The following KLK12 variants were observed in gnomAD, a reference collection of about 807,000 sequenced individuals.
KLK12 encodes the protein kallikrein-12.
A neutral mutation model predicts 20.0 loss-of-function variants in KLK12; 23 were observed. The observed-to-expected ratio is 1.15, with a 90% CI of 0.83 to 1.63. KLK12 has a LOEUF of 1.63. Ranked by LOEUF, KLK12 falls within the 40% of genes most tolerant of loss-of-function variation. The pLI is 0.00. For synonymous variants in KLK12, 147 were observed against 141.9 expected, an observed-to-expected ratio of 1.04 and a Z score of -0.25; for missense variants, 351 against 338.6, an observed-to-expected ratio of 1.04 and a Z score of -0.29.
At chr19:51,034,426 C>A (rs3865443) in intron 2 of KLK12, 159 bp downstream of exon 2, 370,212 of 1,477,384 alleles carry the variant, frequency 0.25, 49,775 homozygotes, top group East Asian at 0.59. Flanking sequence ...GAGCAGTACC[C>A]TGAGAGCTGC....
rs1486923075 is a variant in KLK12 at position 51,029,378 on chromosome 19, T to A, written c.671A>T (p.Gln224Leu). Residue 224 changes from glutamine (Q) to leucine (L), a missense_variant, in exon 6 of 6, where the codon CAA becomes CTA. Gln to Leu is a moderately radical substitution (Grantham distance 113, BLOSUM62 -2). Transcript: ENST00000684732. ...GGTGTAGACTCCAGGGATGCCATCT[T>A]GTCCACAGGGCCCCACAGACCCCCA... ...VSWGSVGPCG[Q>L]DGIPGVYTYI... 1 of 1,613,998 alleles carries A rather than the reference T, an allele frequency of 6.2e-7. No individual in the cohort carries two copies. The highest frequency in any genetic ancestry group is 8.5e-7 in the Non-Finnish European group (1 of 1,179,896).
At chr19:51,033,479 G>T (rs562887980) in intron 3 of KLK12, among the ~76,000 whole-genome samples, 4 of 152,286 alleles carry the variant, frequency 2.6e-5, no homozygotes, top group African/African-American at 7.2e-5. Context: ...AGCTGGGCAT[G>T]GTGGCGGGTG....
chr19:51,031,194 C>T (rs960841504), intron 4 of KLK12, among the ~76,000 whole-genome samples: 1 of 152,168 alleles, frequency 6.6e-6, no homozygotes, highest in East Asian at 1.9e-4. Flanking sequence ...GACAACGAAT[C>T]CAGACCTGAC....
Position 51,029,389 on chromosome 19 carries a change from C to A in KLK12, c.660G>T (p.Gly220=), listed in dbSNP as rs753632863. The A allele has an allele frequency of 9.9e-6, 16 of 1,613,706 alleles. No individual in the cohort carries two copies. In the Admixed American group the frequency reaches 2.3e-4, roughly 24 times the overall value. ...LQGLVSWGSV[G]PCGQDGIPGV... ...CAGGGATGCCATCTTGTCCACAGGGCCCCACAGACCCCCAGGACACCAGAC... is the reference window on the plus strand; with the variant it reads ...CAGGGATGCCATCTTGTCCACAGGGACCCACAGACCCCCAGGACACCAGAC... Residue 220 remains glycine (G), a synonymous_variant, in exon 6 of 6, where the codon GGG becomes GGT. Transcript: ENST00000684732.
At chr19:51,030,658 C>T in intron 5 of KLK12, 130 bp downstream of exon 5, 2 of 1,345,200 alleles carry the variant, frequency 1.5e-6, no homozygotes, top group African/African-American at 1.4e-5. Flanking sequence ...CCTCTCCCTT[C>T]CTTTTTGACC....
chr19:51,034,249 G>C, intron 2 of KLK12, 110 bp from the exon 3 acceptor site: 8 of 1,311,876 alleles, frequency 6.1e-6, no homozygotes, highest in African/African-American at 1.5e-5. Context: ...GAGAAAGAGA[G>C]ACGAGAAAGA....
chr19:51,031,153 T>C (rs571784685), intron 4 of KLK12, among the ~76,000 whole-genome samples: 35 of 152,290 alleles, frequency 2.3e-4, no homozygotes, highest in African/African-American at 7.9e-4. Context: ...GTGGCATAAC[T>C]CAAGAACTTT....
intron 3 of KLK12, among the ~76,000 whole-genome samples, chr19:51,033,019 G>T (rs2091574563): frequency 6.6e-6 from 1 of 151,802 alleles, no homozygotes; most frequent in Admixed American, 6.6e-5. Context: ...TTTGAGACCA[G>T]CCTGGGTAAC....
At chr19:51,032,163 G>T (rs2091566258) in intron 3 of KLK12, 28 bp from the exon 4 acceptor site, 2 of 1,572,308 alleles carry the variant, frequency 1.3e-6, no homozygotes, top group Non-Finnish European at 1.7e-6. Flanking sequence ...TGAGCGGGTG[G>T]CAGGCACGCA....
chr19:51,030,401 G>GTTTT (rs1381519586), intron 5 of KLK12, among the ~76,000 whole-genome samples: 12 of 151,350 alleles, frequency 7.9e-5, no homozygotes, highest in Non-Finnish European at 1.6e-4. Context: ...CCAGGCTGGA[G>GTTTT]TGCAGTGGCG....
chr19:51,034,210 A>T (rs1429191265), intron 2 of KLK12, 71 bp from the exon 3 acceptor site: 3 of 1,478,700 alleles, frequency 2.0e-6, no homozygotes, highest in East Asian at 4.9e-5. Context: ...ACACAGAGTG[A>T]GAGAGAGAAA....
chr19:51,029,280 G>C lies in KLK12; in HGVS notation c.*22C>G. ...GAGGGGTACCCAAGTTAAGGGGTGG[G>C]GGTGGAGGTGGAGGAAACAGGTCAG... On this transcript the variant is annotated 3_prime_UTR_variant, in exon 6 of 6. Coordinates refer to ENST00000684732, the MANE Select transcript of KLK12 (RefSeq NM_001370125.1). 2 of 1,614,096 alleles carry C rather than the reference G, an allele frequency of 1.2e-6. No individual in the cohort carries two copies. Among genetic ancestry groups the C allele is most frequent in the Non-Finnish European group, 1.7e-6 (2 of 1,180,014 alleles).
At chr19:51,033,235 A>C (rs1439686897) in intron 3 of KLK12, among the ~76,000 whole-genome samples, 2 of 149,488 alleles carry the variant, frequency 1.3e-5, no homozygotes, top group Non-Finnish European at 3.0e-5. Flanking sequence ...AAAAAAAAAA[A>C]GAAAGAAAAA....
At chr19:51,033,314 C>T (rs1397982806) in intron 3 of KLK12, among the ~76,000 whole-genome samples, 1 of 151,872 alleles carries the variant, frequency 6.6e-6, no homozygotes, top group African/African-American at 2.4e-5. Context: ...TGAAGTTGCA[C>T]AAAGAGTTTG....
At position 51,034,834 on chromosome 19, in the gene KLK12, C is replaced by T. The variant is rs1177281616; in HGVS notation, c.-48G>A. The T allele has an allele frequency of 3.9e-5, 57 of 1,443,644 alleles. No individual in the cohort carries two copies. Among genetic ancestry groups the T allele is most frequent in the African/African-American group, 1.0e-4 (7 of 70,336 alleles). 89.4% of individuals were successfully genotyped at this position (1,443,644 alleles called of 1,614,324 possible). A position where few individuals can be genotyped will look rare whatever the true frequency, so the allele number is the denominator to read the frequency against. On this transcript the variant is annotated 5_prime_UTR_variant, in exon 1 of 6. Transcript: ENST00000684732. The stretch of plus-strand genomic sequence containing the variant: ...GTCTCTTTGTCTGCCAGATCCTCTA[C>T]GTGGCTGTCACTGTTTGGCCTGTCC...
intron 4 of KLK12, among the ~76,000 whole-genome samples, chr19:51,031,204 C>T (rs1270674049): frequency 1.3e-5 from 2 of 152,146 alleles, no homozygotes; most frequent in South Asian, 2.1e-4. Flanking sequence ...CCAGACCTGA[C>T]CCTCTTCAAT....
Position 51,029,429 on chromosome 19 carries a change from CCA to C in KLK12, c.618_619del (p.Cys206TrpfsTer73), listed in dbSNP as rs770476908. The C allele has an allele frequency of 2.2e-5, 36 of 1,613,400 alleles. No individual in the cohort carries two copies. The East Asian group carries it at 8.0e-4, about 36-fold the overall frequency. On this transcript the variant is annotated frameshift_variant, in exon 6 of 6. Transcript: ENST00000684732. LOFTEE classifies it low-confidence loss of function (END_TRUNC). ...GGACACCAGACCTTGAAGGACTCCC[CCA>C]CACACCAGGGGGCCCCCAGAATCAC...
Position 51,034,985 on chromosome 19 carries a change from T to G in KLK12, c.-199A>C. 3 of 1,157,806 alleles carry G rather than the reference T, an allele frequency of 2.6e-6. No individual in the cohort carries two copies. Among genetic ancestry groups the G allele is most frequent in the Non-Finnish European group, 1.1e-6 (1 of 931,930 alleles). The allele number at this position is 1,157,806 out of a possible 1,614,324, so 71.7% of individuals were successfully genotyped here. A position where few individuals can be genotyped will look rare whatever the true frequency, so the allele number is the denominator to read the frequency against. ...CTGTCATGTTGCTCAACCGGTCCCT[T>G]TCCTTCCATCTGTCGCTCCAGACAG... On this transcript the variant is annotated 5_prime_UTR_variant, in exon 1 of 6. Transcript: ENST00000684732.
chr19:51,030,698 AT>A, intron 5 of KLK12, 89 bp downstream of exon 5: 1 of 1,552,474 alleles, frequency 6.4e-7, no homozygotes, highest in Non-Finnish European at 8.8e-7. Flanking sequence ...CCTTTCCCTG[AT>A]TCATCCTCCA....
Sources: gnomAD v4.1 joint callset for allele counts (sites outside exome capture counted in the v4.1 genomes callset) on GRCh38, gnomAD v4.1.1 for gene constraint, MANE v1.5 for transcripts, NCBI Gene and HGNC (gene_info 2026-07-23, HGNC 2026-07-21) for gene names.